Variants in MAPRE2 observed in about 807,000 individuals in gnomAD.
The protein encoded by MAPRE2 is microtubule-associated protein RP/EB family member 2.
In MAPRE2, 13 loss-of-function variants were observed where a neutral mutation model predicts 43.2. The ratio of observed to expected loss-of-function variants is 0.30; its 90% CI spans 0.20 to 0.48. The LOEUF (loss-of-function observed/expected upper bound fraction) is 0.48, where lower values mean the gene tolerates loss of function less well. Among genes scored for constraint, MAPRE2 ranks in the 20% least tolerant of loss-of-function variants. MAPRE2 has a pLI of 0.99. For synonymous variants in MAPRE2, 135 were observed against 148.8 expected (o/e 0.91, Z 0.68); for missense variants, 161 against 400.2 (o/e 0.40, Z 5.10).
chr18:35,085,686 A>C (rs1907842501), intron 2 of MAPRE2, among the ~76,000 whole-genome samples: 1 of 152,224 alleles, frequency 6.6e-6, no homozygotes, highest in Non-Finnish European at 1.5e-5. Context: ...ATTGTCTCCT[A>C]ATTAGCAGAA....
At chr18:35,077,231 A>ACG (rs948052437) in intron 2 of MAPRE2, among the ~76,000 whole-genome samples, 12 of 142,002 alleles carry the variant, frequency 8.5e-5, no homozygotes, top group African/African-American at 3.3e-4. Context: ...TCTCACAGAT[A>ACG]CGCGCGCGTG....
intron 1 of MAPRE2, among the ~76,000 whole-genome samples, chr18:35,064,912 G>T (rs1379827117): frequency 6.6e-6 from 1 of 152,210 alleles, no homozygotes; most frequent in Non-Finnish European, 1.5e-5. Context: ...ACTATCCACA[G>T]ACAAGCTAGA....
In MAPRE2 at chr18:35,033,918, C is replaced by T. The variant is rs1316815391; in HGVS notation, c.-8+28365C>T. 1.2e-4 allele frequency among the ~76,000 whole-genome samples: 18 copies of T among 145,878 alleles called. No homozygotes were observed. In the East Asian group the frequency reaches 3.5e-3, roughly 28 times the overall value. Reference sequence around the variant, plus strand: ...GCTCATGGGTAGGAAGAATCAATATCGTGAAAATGGCCATACTGCCCAAGG... The same window carrying T: ...GCTCATGGGTAGGAAGAATCAATATTGTGAAAATGGCCATACTGCCCAAGG... On this transcript the variant is annotated intron_variant, in intron 2 of 7. Transcript: ENST00000413393.
At chr18:35,009,602 T>G (rs1253759994) in intron 2 of MAPRE2, among the ~76,000 whole-genome samples, 1 of 152,192 alleles carries the variant, frequency 6.6e-6, no homozygotes, top group East Asian at 1.9e-4. Context: ...GTAATTGCAC[T>G]TGTACTGACC....
chr18:35,136,290 C>G (rs77950156), intron 6 of MAPRE2, among the ~76,000 whole-genome samples: 2 of 152,290 alleles, frequency 1.3e-5, no homozygotes, highest in East Asian at 3.9e-4. Context: ...AGCTTATGAA[C>G]AGTTACTTGT....
At chr18:35,121,297 A>T (rs1484147940) in intron 4 of MAPRE2, among the ~76,000 whole-genome samples, 1 of 152,170 alleles carries the variant, frequency 6.6e-6, no homozygotes, top group Non-Finnish European at 1.5e-5. Flanking sequence ...AGTGAATCTG[A>T]CCACTCCGAA....
intron 1 of MAPRE2, among the ~76,000 whole-genome samples, chr18:34,985,552 TTA>T (rs1443264793): frequency 1.6e-5 from 1 of 61,846 alleles, no homozygotes; most frequent in Non-Finnish European, 2.8e-5. Context: ...AATATATATA[TTA>T]TATATTATAA....
At chr18:35,080,065 CCAAA>C (rs572719547) in intron 2 of MAPRE2, among the ~76,000 whole-genome samples, 51 of 152,132 alleles carry the variant, frequency 3.4e-4, no homozygotes, top group African/African-American at 1.2e-3. Flanking sequence ...GGGTCTTTGG[CCAAA>C]CAGTCATTCA....
intron 1 of MAPRE2, among the ~76,000 whole-genome samples, chr18:35,051,288 A>G (rs1905922838): frequency 6.6e-6 from 1 of 152,174 alleles, no homozygotes. Context: ...GTCTGGCAGG[A>G]GAAGGGAAAC....
intron 1 of MAPRE2, among the ~76,000 whole-genome samples, chr18:35,045,573 CAA>C (rs1218207901): frequency 6.6e-6 from 1 of 152,064 alleles, no homozygotes; most frequent in African/African-American, 2.4e-5. Context: ...TTAAGGAAAA[CAA>C]AGAGAAATAT....
intron 1 of MAPRE2, among the ~76,000 whole-genome samples, chr18:34,981,875 TTATTTTTA>T (rs1446824242): frequency 1.3e-4 from 10 of 77,590 alleles, no homozygotes; most frequent in Non-Finnish European, 2.3e-4. Flanking sequence ...TTTTTTTTTT[TTATTTTTA>T]TTTATTTTTT....
intron 4 of MAPRE2, among the ~76,000 whole-genome samples, chr18:35,109,006 T>A (rs1386188166): frequency 6.6e-6 from 1 of 152,358 alleles, no homozygotes; most frequent in East Asian, 1.9e-4. Flanking sequence ...TTTTGGCTTT[T>A]GTTGAAATTG....
At chr18:34,993,869 G>A (rs570024024) in intron 1 of MAPRE2, among the ~76,000 whole-genome samples, 164 of 152,226 alleles carry the variant, frequency 1.1e-3, no homozygotes, top group Admixed American at 2.9e-3. Flanking sequence ...TGAAATATAT[G>A]CCCTTCATTA....
At chr18:35,095,390 A>ACG (rs67828766) in intron 2 of MAPRE2, among the ~76,000 whole-genome samples, 16 of 145,646 alleles carry the variant, frequency 1.1e-4, no homozygotes, top group Non-Finnish European at 2.1e-4. Context: ...ACACACACAC[A>ACG]CACACACACA....
At chr18:35,132,322 A>G (rs574650069) in intron 6 of MAPRE2, 132 bp downstream of exon 6, 47 of 739,100 alleles carry the variant, frequency 6.4e-5, no homozygotes, top group Non-Finnish European at 9.4e-5. Flanking sequence ...TGCACCTGAT[A>G]GTCCCAAAGG....
intron 1 of MAPRE2, among the ~76,000 whole-genome samples, chr18:35,049,612 G>A (rs544067603): frequency 2.0e-5 from 3 of 152,252 alleles, no homozygotes; most frequent in South Asian, 2.1e-4. Context: ...GATGTGAGAT[G>A]GAGAGGTTCC....
chr18:35,078,987 A>G (rs1178370084), intron 2 of MAPRE2, among the ~76,000 whole-genome samples: 1 of 152,046 alleles, frequency 6.6e-6, no homozygotes, highest in Non-Finnish European at 1.5e-5. Context: ...TTCTTCCTCT[A>G]ACTTCTTTCC....
intron 1 of MAPRE2, among the ~76,000 whole-genome samples, chr18:34,987,932 C>A (rs530136487): frequency 1.3e-5 from 2 of 152,284 alleles, no homozygotes; most frequent in African/African-American, 4.8e-5. Context: ...CATGAGCCAC[C>A]GCACCTGGCC....
chr18:35,129,349 C>T (rs1300851356), intron 5 of MAPRE2, among the ~76,000 whole-genome samples: 2 of 152,136 alleles, frequency 1.3e-5, no homozygotes, highest in African/African-American at 2.4e-5. Flanking sequence ...AAAGAACACT[C>T]GGGCGAGGAG....
Sources: gnomAD v4.1 joint callset for allele counts (sites outside exome capture counted in the v4.1 genomes callset) on GRCh38, gnomAD v4.1.1 for gene constraint, MANE v1.5 for transcripts, NCBI Gene and HGNC (gene_info 2026-07-23, HGNC 2026-07-21) for gene names.